The following PALLD variants were observed in gnomAD, a reference collection of about 807,000 sequenced individuals.
PALLD encodes the protein palladin, cytoskeletal associated protein, also known as palladin.
A neutral mutation model predicts 123.5 loss-of-function variants in PALLD; 61 were observed. That is an observed-to-expected ratio of 0.49 (90% CI 0.40 to 0.61). The LOEUF (loss-of-function observed/expected upper bound fraction) is 0.61, where lower values mean the gene tolerates loss of function less well. PALLD is among the 20% of genes least tolerant of loss of function. PALLD has a pLI of 0.00. For missense variants in PALLD, 1,273 were observed against 1,377.0 expected (o/e 0.92, Z 1.20); for synonymous variants, 465 against 496.4 (o/e 0.94, Z 0.84).
At chr4:168,784,172 A>T (rs1212024038) in intron 10 of PALLD, among the ~76,000 whole-genome samples, 4 of 152,192 alleles carry the variant, frequency 2.6e-5, no homozygotes, top group African/African-American at 9.7e-5. Context: ...ACCAACAGAC[A>T]TCTGAATTCT....
intron 6 of PALLD, 73 bp from the exon 7 acceptor site, chr4:168,690,514 AGGTTTGGAATTTTTAT>A: frequency 6.7e-7 from 1 of 1,502,110 alleles, no homozygotes. Flanking sequence ...GTTTTGTCTG[AGGTTTGGAATTTTTAT>A]TCTGTGTTGT....
intron 2 of PALLD, among the ~76,000 whole-genome samples, chr4:168,558,599 G>A (rs1011231228): frequency 6.6e-6 from 1 of 152,148 alleles, no homozygotes; most frequent in African/African-American, 2.4e-5. Flanking sequence ...GCGCTGAAGG[G>A]CCCAAGAGTC....
At chr4:168,777,887 C>G (rs1228614308) in intron 10 of PALLD, among the ~76,000 whole-genome samples, 4 of 152,190 alleles carry the variant, frequency 2.6e-5, no homozygotes, top group Admixed American at 6.5e-5. Flanking sequence ...CAGTCCTGCA[C>G]TGTAATTCAG....
chr4:168,668,448 G>C, intron 3 of PALLD, 80 bp downstream of exon 3: 1 of 1,194,384 alleles, frequency 8.4e-7, no homozygotes, highest in Non-Finnish European at 1.2e-6. Flanking sequence ...ATGCAAATGT[G>C]CCTTTCCAAT....
At chr4:168,664,969 C>G (rs920916888) in intron 2 of PALLD, among the ~76,000 whole-genome samples, 1 of 152,112 alleles carries the variant, frequency 6.6e-6, no homozygotes, top group Non-Finnish European at 1.5e-5. Context: ...CCTTCCAGTT[C>G]AGGTTCCTCA....
intron 10 of PALLD, among the ~76,000 whole-genome samples, chr4:168,733,973 G>A (rs1294016092): frequency 6.6e-6 from 1 of 152,178 alleles, no homozygotes; most frequent in Non-Finnish European, 1.5e-5. Flanking sequence ...CTGACCTCGT[G>A]ATCTGCCCGC....
intron 10 of PALLD, among the ~76,000 whole-genome samples, chr4:168,885,883 T>C (rs1210194407): frequency 6.6e-6 from 1 of 152,264 alleles, no homozygotes; most frequent in Non-Finnish European, 1.5e-5. Flanking sequence ...TGTGTCACCA[T>C]TGCTATAAAT....
chr4:168,773,006 A>G (rs1734660966), intron 10 of PALLD, among the ~76,000 whole-genome samples: 1 of 152,126 alleles, frequency 6.6e-6, no homozygotes, highest in South Asian at 2.1e-4. Context: ...CTTAACAGTC[A>G]TTGTTTCAAA....
At chr4:168,723,173 A>G (rs1786194917) in intron 10 of PALLD, among the ~76,000 whole-genome samples, 1 of 152,206 alleles carries the variant, frequency 6.6e-6, no homozygotes, top group Non-Finnish European at 1.5e-5. Flanking sequence ...GATGGTGGCC[A>G]ACAGTGATGG....
chr4:168,888,684 G>A (rs542800350), intron 10 of PALLD, among the ~76,000 whole-genome samples: 5 of 152,174 alleles, frequency 3.3e-5, no homozygotes, highest in Non-Finnish European at 5.9e-5. Context: ...AGGCTATATC[G>A]CATGCCTTTG....
At chr4:168,849,904 C>T (rs1747491830) in intron 10 of PALLD, among the ~76,000 whole-genome samples, 2 of 152,158 alleles carry the variant, frequency 1.3e-5, no homozygotes, top group African/African-American at 4.8e-5. Flanking sequence ...CCCCAAGCTA[C>T]CTCCATTAAA....
At chr4:168,734,421 T>A (rs963744938) in intron 10 of PALLD, among the ~76,000 whole-genome samples, 2 of 152,176 alleles carry the variant, frequency 1.3e-5, no homozygotes, top group African/African-American at 4.8e-5. Context: ...ATGTGTCTCC[T>A]GTATTGTTTT....
At chr4:168,593,331 T>A (rs1771631060) in intron 2 of PALLD, among the ~76,000 whole-genome samples, 1 of 151,482 alleles carries the variant, frequency 6.6e-6, no homozygotes, top group South Asian at 2.1e-4. Context: ...CTGTTCTGAT[T>A]AAGGGGAGGA....
intron 8 of PALLD, among the ~76,000 whole-genome samples, chr4:168,705,922 C>A (rs1209337184): frequency 6.6e-6 from 1 of 152,188 alleles, no homozygotes; most frequent in Non-Finnish European, 1.5e-5. Context: ...GGATTACAGG[C>A]ATGAGCCACT....
intron 14 of PALLD, among the ~76,000 whole-genome samples, chr4:168,901,105 A>T (rs1369842972): frequency 6.6e-6 from 1 of 152,134 alleles, no homozygotes; most frequent in Non-Finnish European, 1.5e-5. Context: ...TTATTCTTTC[A>T]TCCCTCCTTC....
chr4:168,916,046 T>C lies in PALLD; in HGVS notation c.2850+19T>C, dbSNP rs1233089320. On this transcript the variant is annotated intron_variant, in intron 17 of 21. Transcript: ENST00000505667. The stretch of plus-strand genomic sequence containing the variant: ...CTGCAAAGTAAGATTTTGTTATTGC[T>C]TGCATATCCTATTGCCCCACTTCTC... The C allele has an allele frequency of 4.3e-6, 7 of 1,609,628 alleles. No homozygotes were observed. Among genetic ancestry groups the C allele is most frequent in the African/African-American group, 1.3e-5 (1 of 75,012 alleles).
At chr4:168,695,439 A>G (rs559781145) in intron 8 of PALLD, among the ~76,000 whole-genome samples, 1 of 152,358 alleles carries the variant, frequency 6.6e-6, no homozygotes, top group Non-Finnish European at 1.5e-5. Context: ...ATGCTGTAAT[A>G]TATTTGAAAT....
chr4:168,926,390 G>A lies in PALLD; in HGVS notation c.*210G>A, dbSNP rs1473872513. On this transcript the variant is annotated 3_prime_UTR_variant, in exon 22 of 22. Coordinates refer to ENST00000505667, the MANE Select transcript of PALLD (RefSeq NM_001166108.2). Reference sequence around the variant, plus strand: ...GTAGAAAGTGAGGACCTGTAATCCAGCATTCTTGTTAAAGCTGAAACACTG... The same window carrying A: ...GTAGAAAGTGAGGACCTGTAATCCAACATTCTTGTTAAAGCTGAAACACTG... 6.5e-7 allele frequency: 1 copy of A among 1,535,056 alleles called. No homozygotes were observed. Among genetic ancestry groups the A allele is most frequent in the Admixed American group, 2.0e-5 (1 of 50,948 alleles).
chr4:168,836,339 G>A (rs779360960), intron 10 of PALLD, among the ~76,000 whole-genome samples: 20 of 152,200 alleles, frequency 1.3e-4, no homozygotes, highest in Admixed American at 7.9e-4. Flanking sequence ...TTCCTGCTGC[G>A]GGAGAAGCTG....
Sources: gnomAD v4.1 joint callset for allele counts (sites outside exome capture counted in the v4.1 genomes callset) on GRCh38, gnomAD v4.1.1 for gene constraint, MANE v1.5 for transcripts, NCBI Gene and HGNC (gene_info 2026-07-23, HGNC 2026-07-21) for gene names.